Variants in PIK3CD observed in about 807,000 individuals in gnomAD.
PIK3CD encodes the protein phosphatidylinositol-4,5-bisphosphate 3-kinase catalytic subunit delta.
In PIK3CD, 20 loss-of-function variants were observed where a neutral mutation model predicts 122.9. That is an observed-to-expected ratio of 0.16 (90% CI 0.11 to 0.24). The LOEUF is 0.24. Among genes scored for constraint, PIK3CD ranks in the 10% least tolerant of loss-of-function variants. The pLI, the probability that PIK3CD is intolerant of heterozygous loss-of-function variation, is 1.00. For synonymous variants in PIK3CD, 596 were observed against 593.4 expected (o/e 1.00, Z -0.06); for missense variants, 787 against 1,406.3 (o/e 0.56, Z 7.04).
chr1:9,689,515 A>T lies in PIK3CD; in HGVS notation c.-137-1952A>T, dbSNP rs1360169500. Among the ~76,000 whole-genome samples the T allele has an allele frequency of 2.3e-5, 2 of 87,800 alleles. No homozygotes were observed. Among genetic ancestry groups the T allele is most frequent in the Admixed American group, 1.2e-4 (1 of 8,030 alleles). The allele number at this position is 87,800 out of a possible 152,430, so 57.6% of individuals were successfully genotyped here. ...CAGCCGGCGCCCCGCCCCGCCTGCCAGTAGTCCCAGCCCCGCCCCGGGCCG... is the reference window on the plus strand; with the variant it reads ...CAGCCGGCGCCCCGCCCCGCCTGCCTGTAGTCCCAGCCCCGCCCCGGGCCG... On this transcript the variant is annotated intron_variant, in intron 1 of 23. Coordinates refer to ENST00000377346, the MANE Select transcript of PIK3CD (RefSeq NM_005026.5). This position sits in a 1 kb window ranked among gnomAD's most constrained non-coding sequence, Gnocchi z 6.1.
In PIK3CD at chr1:9,715,996, C is replaced by T; in HGVS notation, c.518C>T (p.Pro173Leu). 1 of 1,612,586 alleles carries T rather than the reference C, an allele frequency of 6.2e-7. No individual in the cohort carries two copies. Among genetic ancestry groups the T allele is most frequent in the South Asian group, 1.1e-5 (1 of 91,050 alleles). ...TACAGTTTCCCCCTGCAGCTGGAGC[C>T]CTCGGCTCAAACCTGGGGGCCTGGT... is the stretch of plus-strand genomic sequence containing the variant. ...LQYSFPLQLE[P>L]SAQTWGPGTL... Residue 173 changes from proline (P) to leucine (L), a missense_variant, in exon 5 of 24, where the codon CCC (proline) becomes CTC (leucine). Pro to Leu is a moderately conservative substitution (Grantham distance 98). Around this residue, in one of 6 missense-constraint regions of PIK3CD, gnomAD observed 592 missense variants for 920.6 expected, o/e 0.64. Coordinates refer to ENST00000377346, the MANE Select transcript of PIK3CD (RefSeq NM_005026.5). The surrounding 1 kb of genome is among the most constrained non-coding windows in gnomAD (Gnocchi z 4.1).
At position 9,655,686 on chromosome 1, in the gene PIK3CD, TC is replaced by T. The variant is rs200366652; in HGVS notation, c.-138+3885del. ...GGGTCCCTTTTCCTATTACTTTCTTTCTTTTTTCTTCTTTTTTTTTTTTTTT... is the reference window on the plus strand; with the variant it reads ...GGGTCCCTTTTCCTATTACTTTCTTTTTTTTTCTTCTTTTTTTTTTTTTTT... On this transcript the variant is annotated intron_variant, in intron 1 of 23. Coordinates refer to ENST00000377346, the MANE Select transcript of PIK3CD (RefSeq NM_005026.5). Among the ~76,000 whole-genome samples the T allele has an allele frequency of 3.9e-3, 539 of 139,950 alleles. 1 individual carries two copies. Among genetic ancestry groups the T allele is most frequent in the South Asian group, 0.023 (95 of 4,058 alleles). The allele number at this position is 139,950 out of a possible 152,430, so 91.8% of individuals were successfully genotyped here.
chr1:9,637,619 G>T, the PIK3CD span, among the ~76,000 whole-genome samples: 11 of 152,246 alleles, frequency 7.2e-5, no homozygotes, highest in South Asian at 2.3e-3. Flanking sequence ...TCTGGAGGCT[G>T]TAGGGAAGGA....
intron 1 of PIK3CD, chr1:9,653,504 A>G: frequency 4.0e-6 from 1 of 249,920 alleles, no homozygotes; most frequent in Non-Finnish European, 7.9e-6. Flanking sequence ...CTTGCGGGGG[A>G]AGGAGAATGT....
Position 9,700,340 on chromosome 1 carries a change from C to T in PIK3CD, c.-33+8769C>T, listed in dbSNP as rs1191140146. Among the ~76,000 whole-genome samples the T allele has an allele frequency of 6.6e-6, 1 of 152,160 alleles. No individual in the cohort carries two copies. Among genetic ancestry groups the T allele is most frequent in the East Asian group, 1.9e-4 (1 of 5,196 alleles). On this transcript the variant is annotated intron_variant, in intron 2 of 23. Coordinates refer to ENST00000377346, the MANE Select transcript of PIK3CD (RefSeq NM_005026.5). This position sits in a 1 kb window ranked among gnomAD's most constrained non-coding sequence, Gnocchi z 5.1. ...GCTCCAGAAAGAGCACCAAGGAGAA[C>T]ATTTCAGGACAGACTGTAAGGGTGG...
intron 3 of PIK3CD, among the ~76,000 whole-genome samples, chr1:9,713,486 G>A (rs1647136458): frequency 6.6e-6 from 1 of 152,080 alleles, no homozygotes; most frequent in South Asian, 2.1e-4. Flanking sequence ...TCTCCTCTAT[G>A]TACAGTGTTT....
chr1:9,701,352 A>G (rs1484396268), intron 2 of PIK3CD, among the ~76,000 whole-genome samples: 2 of 151,982 alleles, frequency 1.3e-5, no homozygotes, highest in Non-Finnish European at 2.9e-5. Flanking sequence ...AAATGAATCT[A>G]CCTCGGACTG....
chr1:9,667,663 A>G (rs1015650637), intron 1 of PIK3CD, among the ~76,000 whole-genome samples: 13 of 152,034 alleles, frequency 8.6e-5, no homozygotes, highest in African/African-American at 2.9e-4. Context: ...GGCGTGAGCC[A>G]CCGTGCCCGG....
intron 2 of PIK3CD, among the ~76,000 whole-genome samples, chr1:9,709,340 G>A (rs928622682): frequency 1.3e-5 from 2 of 150,990 alleles, no homozygotes; most frequent in African/African-American, 4.9e-5. Context: ...CACTGCACCC[G>A]GCCTGACTGG....
At position 9,662,015 on chromosome 1, in the gene PIK3CD, G is replaced by A. The variant is rs561344422; in HGVS notation, c.-138+10213G>A. On this transcript the variant is annotated intron_variant, in intron 1 of 23. Transcript: ENST00000377346. Reference sequence around the variant, plus strand: ...TGTCTCAAAAAAAAAAAAGTTAGCCGGACATGGTGGTGCATGCCTGTAGTC... The same window carrying A: ...TGTCTCAAAAAAAAAAAAGTTAGCCAGACATGGTGGTGCATGCCTGTAGTC... 9.2e-5 allele frequency among the ~76,000 whole-genome samples: 14 copies of A among 151,882 alleles called. No homozygotes were observed. The East Asian group carries it at 1.4e-3, about 15-fold the overall frequency.
At chr1:9,675,416 C>T (rs1236516124) in intron 1 of PIK3CD, among the ~76,000 whole-genome samples, 1 of 151,532 alleles carries the variant, frequency 6.6e-6, no homozygotes, top group Admixed American at 6.6e-5. Flanking sequence ...AAAGACAACC[C>T]TGTTTGGTAA....
At chr1:9,708,154 C>T (rs1378595138) in intron 2 of PIK3CD, among the ~76,000 whole-genome samples, 3 of 151,686 alleles carry the variant, frequency 2.0e-5, no homozygotes, top group African/African-American at 4.8e-5. Flanking sequence ...CAGAAGACTC[C>T]GTGTGTACAT....
the PIK3CD span, among the ~76,000 whole-genome samples, chr1:9,638,261 A>C: frequency 6.6e-6 from 1 of 152,098 alleles, no homozygotes; most frequent in Non-Finnish European, 1.5e-5. Context: ...CTCACAGGCA[A>C]CCGCCCAGAT....
chr1:9,631,448 A>G, the PIK3CD span, among the ~76,000 whole-genome samples: 1 of 152,268 alleles, frequency 6.6e-6, no homozygotes, highest in Non-Finnish European at 1.5e-5. Flanking sequence ...TGAGGCCAGG[A>G]GTTCAAGACC....
At chr1:9,681,058 T>C (rs2100226909) in intron 1 of PIK3CD, 1 of 152,064 alleles carries the variant, frequency 6.6e-6, no homozygotes, top group African/African-American at 2.4e-5. Flanking sequence ...TTCCTCTTCA[T>C]GTGGGCTTCT....
the PIK3CD span, among the ~76,000 whole-genome samples, chr1:9,642,620 G>A: frequency 6.6e-6 from 1 of 151,164 alleles, no homozygotes; most frequent in East Asian, 2.0e-4. Context: ...AGGAGGCTGA[G>A]GCAGGAGAAT....
intron 2 of PIK3CD, among the ~76,000 whole-genome samples, chr1:9,709,059 C>T (rs949798978): frequency 1.1e-4 from 16 of 151,306 alleles, no homozygotes; most frequent in African/African-American, 3.6e-4. Context: ...GACGGAGTTT[C>T]GCTCTTGTTA....
chr1:9,686,468 C>T (rs1194944413), intron 1 of PIK3CD, among the ~76,000 whole-genome samples: 1 of 151,656 alleles, frequency 6.6e-6, no homozygotes, highest in African/African-American at 2.4e-5. Context: ...TCGCAAAGTG[C>T]TGAGATTACA....
chr1:9,726,870 G>A (rs765120794), intron 23 of PIK3CD, 39 bp from the exon 24 acceptor site: 88 of 1,613,170 alleles, frequency 5.5e-5, no homozygotes, highest in Non-Finnish European at 7.0e-5. Flanking sequence ...GCAAGGTCCG[G>A]GCCCCCTTAA....
Sources: allele counts gnomAD v4.1 joint callset (sites outside exome capture counted in the v4.1 genomes callset), GRCh38; gene constraint gnomAD v4.1.1; regional missense constraint gnomAD v4.1.1; non-coding constraint Gnocchi (gnomAD v3.1); transcripts MANE v1.5; gene names NCBI Gene and HGNC (gene_info 2026-07-23, HGNC 2026-07-21).